DAB1: variants seen among roughly 807,000 people sequenced by gnomAD.
DAB1 encodes DAB adaptor protein 1.
Under a neutral mutation model 64.6 loss-of-function variants are expected in DAB1, and 15 were observed. The observed-to-expected ratio is 0.23, with a 90% confidence interval of 0.16 to 0.36. DAB1 has a LOEUF of 0.36. Among genes scored for constraint, DAB1 ranks in the 10% least tolerant of loss-of-function variants. The probability of loss-of-function intolerance (pLI) is 1.00; values close to 1 mark genes in which losing one functional copy is unlikely to be tolerated. For synonymous variants in DAB1, 235 were observed against 251.9 expected, an observed-to-expected ratio of 0.93 and a Z score of 0.64; for missense variants, 596 against 706.7, an observed-to-expected ratio of 0.84 and a Z score of 1.78.
At chr1:58,358,815 TTCTC>T (rs371425648) in intron 3 of DAB1, among the ~76,000 whole-genome samples, 3 of 152,116 alleles carry the variant, frequency 2.0e-5, no homozygotes, top group Non-Finnish European at 4.4e-5. Flanking sequence ...CTTTTCTTTC[TTCTC>T]TCTCTTTCTG....
At chr1:58,197,971 C>A (rs1370556402) in intron 4 of DAB1, among the ~76,000 whole-genome samples, 2 of 152,154 alleles carry the variant, frequency 1.3e-5, no homozygotes, top group Non-Finnish European at 2.9e-5. Context: ...TTGAGATTCC[C>A]AAGTACAGTA....
At chr1:58,220,794 CG>C (rs1270771568) in intron 4 of DAB1, among the ~76,000 whole-genome samples, 1 of 151,894 alleles carries the variant, frequency 6.6e-6, no homozygotes, top group Non-Finnish European at 1.5e-5. Flanking sequence ...AGCAAGTGCT[CG>C]CAGAAGGTAA....
chr1:57,773,104 C>T (rs1649633341), intron 6 of DAB1, among the ~76,000 whole-genome samples: 1 of 151,996 alleles, frequency 6.6e-6, no homozygotes, highest in South Asian at 2.1e-4. Flanking sequence ...GACCATAGCC[C>T]TACTGATACC....
At chr1:57,074,527 G>T (rs1029734641) in intron 4 of DAB1, among the ~76,000 whole-genome samples, 1 of 152,184 alleles carries the variant, frequency 6.6e-6, no homozygotes, top group African/African-American at 2.4e-5. Flanking sequence ...CTTCTAAAAT[G>T]TCCATCCCTT....
chr1:57,669,699 A>G (rs1646488815), intron 6 of DAB1, among the ~76,000 whole-genome samples: 1 of 152,164 alleles, frequency 6.6e-6, no homozygotes, highest in Admixed American at 6.6e-5. Context: ...GCAAAATACA[A>G]GATATGATTT....
At chr1:58,228,076 A>C (rs950204665) in intron 4 of DAB1, among the ~76,000 whole-genome samples, 3 of 152,208 alleles carry the variant, frequency 2.0e-5, no homozygotes, top group African/African-American at 7.2e-5. Flanking sequence ...TCTGGGAGTC[A>C]GTGATAGCTC....
intron 2 of DAB1, among the ~76,000 whole-genome samples, chr1:57,247,611 G>C (rs1668984025): frequency 6.6e-6 from 1 of 152,208 alleles, no homozygotes; most frequent in Admixed American, 6.5e-5. Flanking sequence ...CTATGGAAGA[G>C]ACTGTAGGAT....
intron 1 of DAB1, among the ~76,000 whole-genome samples, chr1:57,411,154 C>T (rs1684077324): frequency 6.6e-6 from 1 of 152,174 alleles, no homozygotes; most frequent in Admixed American, 6.5e-5. Context: ...ATATATGTTA[C>T]AATTTCCAGA....
At chr1:58,182,505 G>A (rs1159087520) in intron 4 of DAB1, among the ~76,000 whole-genome samples, 1 of 151,678 alleles carries the variant, frequency 6.6e-6, no homozygotes, top group Non-Finnish European at 1.5e-5. Context: ...TCTTCCAATT[G>A]GATAAGTCCT....
At position 57,184,676 on chromosome 1, in the gene DAB1, C is replaced by T. The variant is rs183073856; in HGVS notation, c.68-39247G>A. ...ATACATGGTTTATGCTCCAATCCCA[C>T]CAAATCACACCTGGATCATGTACTC... is the stretch of plus-strand genomic sequence containing the variant. On this transcript the variant is annotated intron_variant, in intron 2 of 14. Coordinates refer to ENST00000371236, the MANE Select transcript of DAB1 (RefSeq NM_001365792.1). Among the ~76,000 whole-genome samples, 7 of 152,308 alleles carry T rather than the reference C, an allele frequency of 4.6e-5. No homozygotes were observed. In the East Asian group the frequency reaches 1.3e-3, roughly 29 times the overall value.
chr1:57,541,707 G>T (rs1018769928), intron 7 of DAB1, among the ~76,000 whole-genome samples: 22 of 152,174 alleles, frequency 1.4e-4, no homozygotes, highest in South Asian at 1.0e-3. Flanking sequence ...TGTTTGCTTT[G>T]GGCCTTAGAA....
At chr1:57,605,756 T>C (rs1383720628) in intron 7 of DAB1, 2 of 347,570 alleles carry the variant, frequency 5.8e-6, no homozygotes, top group Admixed American at 3.7e-5. Flanking sequence ...TAAACTGAAA[T>C]CCTGATTGAT....
chr1:57,149,090 T>C (rs1299464657), intron 2 of DAB1, among the ~76,000 whole-genome samples: 1 of 152,212 alleles, frequency 6.6e-6, no homozygotes, highest in Non-Finnish European at 1.5e-5. Flanking sequence ...ATATAATTGT[T>C]ATTTTATAAT....
intron 6 of DAB1, among the ~76,000 whole-genome samples, chr1:57,701,109 C>T (rs574322121): frequency 6.6e-6 from 1 of 152,096 alleles, no homozygotes; most frequent in Non-Finnish European, 1.5e-5. Flanking sequence ...GTTGGTGGGA[C>T]TGTAAACTAG....
chr1:58,311,802 C>G (rs772893033), intron 4 of DAB1, among the ~76,000 whole-genome samples: 1 of 152,140 alleles, frequency 6.6e-6, no homozygotes, highest in Non-Finnish European at 1.5e-5. Flanking sequence ...GCACTTCTAA[C>G]TCTGTATTGA....
chr1:57,617,360 G>A (rs905542070), intron 7 of DAB1, among the ~76,000 whole-genome samples: 3 of 151,978 alleles, frequency 2.0e-5, no homozygotes, highest in Non-Finnish European at 4.4e-5. Context: ...CCACATCCTT[G>A]TTTAACTTTC....
chr1:57,149,106 A>AT (rs1659422586), intron 2 of DAB1, among the ~76,000 whole-genome samples: 3 of 152,114 alleles, frequency 2.0e-5, no homozygotes, highest in Admixed American at 1.3e-4. Flanking sequence ...ATAATATACA[A>AT]TTTTTTGGGT....
chr1:57,332,655 C>T (rs866269763), intron 1 of DAB1, among the ~76,000 whole-genome samples: 27 of 152,186 alleles, frequency 1.8e-4, no homozygotes, highest in African/African-American at 5.8e-4. Flanking sequence ...TTCTCTGTGA[C>T]CAGAAAGTCT....
chr1:58,042,192 A>G (rs1647146930), intron 5 of DAB1, among the ~76,000 whole-genome samples: 1 of 152,232 alleles, frequency 6.6e-6, no homozygotes, highest in African/African-American at 2.4e-5. Context: ...ACTTCTGACA[A>G]ACTCACGGCT....
Sources: allele counts gnomAD v4.1 joint callset (sites outside exome capture counted in the v4.1 genomes callset), GRCh38; gene constraint gnomAD v4.1.1; transcripts MANE v1.5; gene names NCBI Gene and HGNC (gene_info 2026-07-23, HGNC 2026-07-21).